Variants in DPP10 observed in about 807,000 individuals in gnomAD.
DPP10 encodes the protein inactive dipeptidyl peptidase 10.
A neutral mutation model predicts 120.9 loss-of-function variants in DPP10; 33 were observed. That is an observed-to-expected ratio of 0.27 (90% CI 0.21 to 0.37). DPP10 has a LOEUF of 0.37. Ranked by LOEUF, DPP10 falls within the 10% of genes least tolerant of loss-of-function variation. DPP10 has a pLI of 1.00. For synonymous variants in DPP10, 337 were observed against 326.1 expected, an observed-to-expected ratio of 1.03 and a Z score of -0.36; for missense variants, 816 against 942.8, an observed-to-expected ratio of 0.87 and a Z score of 1.76.
intron 1 of DPP10, among the ~76,000 whole-genome samples, chr2:115,238,339 A>T (rs1289205942): frequency 6.6e-6 from 1 of 152,208 alleles, no homozygotes; most frequent in African/African-American, 2.4e-5. Flanking sequence ...TAAAGAAACA[A>T]CATTTTCTGT....
At chr2:115,410,944 TTC>T (rs1165302333) in intron 3 of DPP10, among the ~76,000 whole-genome samples, 1 of 152,208 alleles carries the variant, frequency 6.6e-6, no homozygotes, top group Non-Finnish European at 1.5e-5. Flanking sequence ...ATGTTTTCAC[TTC>T]TTTTTTAGTT....
chr2:115,821,743 G>T (rs908795661), intron 21 of DPP10, among the ~76,000 whole-genome samples: 3 of 151,556 alleles, frequency 2.0e-5, no homozygotes, highest in Non-Finnish European at 2.9e-5. Context: ...GAGAAGTATT[G>T]TATTGTATGA....
intron 1 of DPP10, chr2:115,162,031 G>GA: frequency 2.8e-6 from 4 of 1,412,814 alleles, no homozygotes; most frequent in Non-Finnish European, 3.7e-6. Context: ...CGGACCAGGT[G>GA]AGAGTCGGCA....
At chr2:114,461,127 T>C (rs1183015938) in intron 1 of DPP10, among the ~76,000 whole-genome samples, 1 of 152,214 alleles carries the variant, frequency 6.6e-6, no homozygotes, top group East Asian at 1.9e-4. Flanking sequence ...TGCCAGATTG[T>C]AACATAAAGA....
At chr2:115,712,555 T>TATATATATATATATATATATAA (rs2092362609) in intron 7 of DPP10, among the ~76,000 whole-genome samples, 1 of 115,522 alleles carries the variant, frequency 8.7e-6, no homozygotes, top group African/African-American at 3.1e-5. Context: ...TATATATATA[T>TATATATATATATATATATATAA]ATATATATAT....
intron 7 of DPP10, among the ~76,000 whole-genome samples, chr2:115,726,715 A>G (rs1309302801): frequency 6.6e-6 from 1 of 152,198 alleles, no homozygotes; most frequent in Non-Finnish European, 1.5e-5. Flanking sequence ...CAGAATTAAA[A>G]TAGAATATCC....
At position 115,337,859 on chromosome 2, in the gene DPP10, AAAAC is replaced by A. The variant is rs1208860217; in HGVS notation, c.176-5954_176-5951del. Among the ~76,000 whole-genome samples the A allele has an allele frequency of 1.1e-4, 17 of 152,042 alleles. 1 individual carries two copies. Among genetic ancestry groups the A allele is most frequent in the Non-Finnish European group, 1.9e-4 (13 of 67,946 alleles). ...AAAGAAAGCAACACAGAAGAAGAAA[AAAAC>A]AAAGAAATGAATGAAGTATATAGTT... On this transcript the variant is annotated intron_variant, in intron 2 of 25. Transcript: ENST00000410059.
At chr2:115,659,809 A>C (rs2088755250) in intron 5 of DPP10, among the ~76,000 whole-genome samples, 2 of 152,198 alleles carry the variant, frequency 1.3e-5, no homozygotes, top group African/African-American at 4.8e-5. Context: ...TCAGTTCTAT[A>C]AGCCCCAGGC....
At chr2:115,236,559 A>G (rs1283319422) in intron 1 of DPP10, among the ~76,000 whole-genome samples, 3 of 152,210 alleles carry the variant, frequency 2.0e-5, no homozygotes, top group Non-Finnish European at 2.9e-5. Flanking sequence ...TGATCACGGC[A>G]TCTTTACACT....
intron 1 of DPP10, among the ~76,000 whole-genome samples, chr2:114,872,110 A>T (rs1014245199): frequency 1.3e-5 from 2 of 152,090 alleles, no homozygotes; most frequent in Admixed American, 6.5e-5. Context: ...GTTCTAGTTC[A>T]TTTTCATGCT....
At chr2:115,199,044 G>A (rs914008760) in intron 1 of DPP10, among the ~76,000 whole-genome samples, 1 of 152,090 alleles carries the variant, frequency 6.6e-6, no homozygotes, top group Non-Finnish European at 1.5e-5. Flanking sequence ...TCATGATAAT[G>A]TAGATAATAA....
Position 115,777,768 on chromosome 2 carries a change from T to A in DPP10, c.1314-19T>A. On this transcript the variant is annotated intron_variant, in intron 14 of 25. Transcript: ENST00000410059. Reference sequence around the variant, plus strand: ...ATAGATCTGTGTCTAATGCTTGTGTTGTTTTCTTTCCTGGACAGTTACTTT... The same window carrying A: ...ATAGATCTGTGTCTAATGCTTGTGTAGTTTTCTTTCCTGGACAGTTACTTT... The A allele has an allele frequency of 6.2e-7, 1 of 1,612,978 alleles. No homozygotes were observed. The highest frequency in any genetic ancestry group is 8.5e-7 in the Non-Finnish European group (1 of 1,179,254).
At chr2:114,554,850 C>T (rs1002247128) in intron 1 of DPP10, among the ~76,000 whole-genome samples, 1 of 152,130 alleles carries the variant, frequency 6.6e-6, no homozygotes, top group African/African-American at 2.4e-5. Flanking sequence ...TCTGATTAAT[C>T]CCTTTGCTAC....
rs561406134 is a variant in DPP10, at chr2:114,639,522, A to G, written c.60+196684A>G. On this transcript the variant is annotated intron_variant, in intron 1 of 25. Coordinates refer to ENST00000410059, the MANE Select transcript of DPP10 (RefSeq NM_020868.6). ...AGAGTAGGGAGAGAGGGAGGGGGACATGGGTTGAAAAACTACTTATTGAGT... is the reference window on the plus strand; with the variant it reads ...AGAGTAGGGAGAGAGGGAGGGGGACGTGGGTTGAAAAACTACTTATTGAGT... 8.3e-4 allele frequency among the ~76,000 whole-genome samples: 126 copies of G among 151,944 alleles called. 4 individuals carry two copies. Among genetic ancestry groups the G allele is most frequent in the African/African-American group, 3.0e-3 (123 of 41,220 alleles).
chr2:114,753,356 A>C, intron 1 of DPP10, among the ~76,000 whole-genome samples: 1 of 152,186 alleles, frequency 6.6e-6, no homozygotes, highest in Admixed American at 6.5e-5. Flanking sequence ...TTCAAATTCT[A>C]TCCCAGCTTA....
intron 1 of DPP10, among the ~76,000 whole-genome samples, chr2:115,045,360 C>A (rs1704983465): frequency 6.6e-6 from 1 of 151,998 alleles, no homozygotes; most frequent in African/African-American, 2.4e-5. Flanking sequence ...TTATTTCTGA[C>A]CTTTGTGAGT....
At chr2:114,981,412 G>T (rs1700083208) in intron 1 of DPP10, among the ~76,000 whole-genome samples, 1 of 152,122 alleles carries the variant, frequency 6.6e-6, no homozygotes, top group African/African-American at 2.4e-5. Context: ...ACAAAATCTA[G>T]TTACAATACT....
chr2:115,230,495 T>G (rs968156806), intron 1 of DPP10, among the ~76,000 whole-genome samples: 3 of 152,086 alleles, frequency 2.0e-5, no homozygotes, highest in Admixed American at 1.3e-4. Context: ...ACTAGGATTA[T>G]ATTAACATTT....
At chr2:115,202,698 G>A (rs994938209) in intron 1 of DPP10, among the ~76,000 whole-genome samples, 10 of 152,194 alleles carry the variant, frequency 6.6e-5, no homozygotes, top group African/African-American at 2.4e-4. Flanking sequence ...TCTGTGATGA[G>A]TAAATGTTTT....
Sources: allele counts gnomAD v4.1 joint callset (sites outside exome capture counted in the v4.1 genomes callset), GRCh38; gene constraint gnomAD v4.1.1; transcripts MANE v1.5; gene names NCBI Gene and HGNC (gene_info 2026-07-23, HGNC 2026-07-21).